Variants in DOCK10 observed in about 807,000 individuals in gnomAD.
DOCK10 encodes the protein dedicator of cytokinesis 10, also known as dedicator of cytokinesis protein 10.
In DOCK10, 145 loss-of-function variants were observed where a neutral mutation model predicts 280.1. The ratio of observed to expected loss-of-function variants is 0.52; its 90% CI spans 0.45 to 0.59. The LOEUF is 0.59. DOCK10 is among the 20% of genes least tolerant of loss of function. The pLI, the probability that DOCK10 is intolerant of heterozygous loss-of-function variation, is 0.00. For synonymous variants in DOCK10, 915 were observed against 942.2 expected, an observed-to-expected ratio of 0.97 and a Z score of 0.53; for missense variants, 2,368 against 2,651.7, an observed-to-expected ratio of 0.89 and a Z score of 2.35.
At chr2:224,864,801 T>C (rs1697773529) in intron 12 of DOCK10, 65 bp downstream of exon 12, 2 of 1,599,014 alleles carry the variant, frequency 1.3e-6, no homozygotes, top group African/African-American at 1.3e-5. Flanking sequence ...TCATCTTATA[T>C]GATCTATTGG....
At chr2:224,959,319 C>CT (rs1244397956) in intron 1 of DOCK10, among the ~76,000 whole-genome samples, 9 of 151,880 alleles carry the variant, frequency 5.9e-5, no homozygotes, top group East Asian at 1.9e-4. Context: ...TGTTCTGAAG[C>CT]TTTTTTTAAA....
At chr2:224,802,656 C>G (rs1481305204) in intron 39 of DOCK10, among the ~76,000 whole-genome samples, 1 of 152,098 alleles carries the variant, frequency 6.6e-6, no homozygotes, top group Non-Finnish European at 1.5e-5. Context: ...GCATTTCCAG[C>G]TGGGAAAAAT....
chr2:224,895,750 C>T lies in DOCK10; in HGVS notation c.416+545G>A, dbSNP rs73993931. ...TTTGAGCAGAAGCAGAACAAAATTA[C>T]TTTCTCCAAAGGCTTATGTTCCTGA... On this transcript the variant is annotated intron_variant, in intron 4 of 55. Transcript: ENST00000258390. 5.5e-3 allele frequency among the ~76,000 whole-genome samples: 838 copies of T among 151,404 alleles called. 9 individuals are homozygous for T. The highest frequency in any genetic ancestry group is 0.02 in the African/African-American group (810 of 40,992).
At position 224,852,393 on chromosome 2, in the gene DOCK10, C is replaced by A; in HGVS notation, c.2126G>T (p.Ser709Ile). Residue 709 changes from serine to isoleucine, a missense_variant, in exon 18 of 56, where the codon AGT becomes ATT. By Grantham distance (142) the Ser-to-Ile change is moderately radical (BLOSUM62 -2). This residue lies in a region of DOCK10 where 1,209 missense variants were observed against 1,250.9 expected (regional missense o/e 0.97). Coordinates refer to ENST00000258390, the MANE Select transcript of DOCK10 (RefSeq NM_014689.3). ...CIEFKNSDEESAKPLKCIYGK... is the reference protein window; with the variant it reads ...CIEFKNSDEEIAKPLKCIYGK... ...TTGGCTCACCTTCAGGGGCTTGGCA[C>A]TTTCTTCATCTGAATTTTTGAATTC... is the stretch of plus-strand genomic sequence containing the variant. The A allele has an allele frequency of 6.4e-7, 1 of 1,572,616 alleles. No homozygotes were observed. Among genetic ancestry groups the A allele is most frequent in the Non-Finnish European group, 8.6e-7 (1 of 1,157,820 alleles).
intron 1 of DOCK10, among the ~76,000 whole-genome samples, chr2:225,035,551 T>C (rs1310390513): frequency 6.2e-5 from 2 of 32,406 alleles, no homozygotes; most frequent in African/African-American, 1.1e-4. Context: ...ATTATATATA[T>C]ATATATATAT....
chr2:224,992,776 A>G (rs969455099), intron 1 of DOCK10, among the ~76,000 whole-genome samples: 1 of 152,222 alleles, frequency 6.6e-6, no homozygotes, highest in Non-Finnish European at 1.5e-5. Flanking sequence ...AAGTCTTGTC[A>G]TCTCTTTCTC....
intron 31 of DOCK10, among the ~76,000 whole-genome samples, chr2:224,812,961 GTC>G (rs1693884492): frequency 6.6e-6 from 1 of 152,102 alleles, no homozygotes. Context: ...TTTTGGTTGT[GTC>G]TCTGCTAGGC....
chr2:224,787,844 A>G (rs1691840899), intron 48 of DOCK10, among the ~76,000 whole-genome samples: 1 of 152,162 alleles, frequency 6.6e-6, no homozygotes. Flanking sequence ...AAGAAGCTCC[A>G]CAATCAGGCA....
intron 11 of DOCK10, among the ~76,000 whole-genome samples, chr2:224,872,304 C>T (rs1310772903): frequency 6.6e-6 from 1 of 152,200 alleles, no homozygotes; most frequent in Admixed American, 6.5e-5. Context: ...CAAGCAATGT[C>T]TGAGTACCTT....
chr2:224,769,441 G>A (rs1445883486), intron 55 of DOCK10, among the ~76,000 whole-genome samples: 2 of 152,230 alleles, frequency 1.3e-5, no homozygotes, highest in Admixed American at 6.5e-5. Flanking sequence ...ACTACTGGGA[G>A]ACTAATTCAA....
intron 1 of DOCK10, among the ~76,000 whole-genome samples, chr2:224,961,442 C>CTTTCTTTCTTTCT (rs1704419885): frequency 7.7e-6 from 1 of 129,766 alleles, no homozygotes; most frequent in Non-Finnish European, 1.7e-5. Flanking sequence ...TTCTTTCTTT[C>CTTTCTTTCTTTCT]TTTCTTTCTT....
intron 1 of DOCK10, among the ~76,000 whole-genome samples, chr2:224,949,113 T>C (rs1185873489): frequency 2.0e-5 from 3 of 152,148 alleles, no homozygotes; most frequent in Non-Finnish European, 4.4e-5. Flanking sequence ...GAGGGGAAAA[T>C]CCAGAAGCAT....
intron 3 of DOCK10, among the ~76,000 whole-genome samples, chr2:224,904,193 T>C (rs1406397535): frequency 6.6e-6 from 1 of 152,142 alleles, no homozygotes; most frequent in African/African-American, 2.4e-5. Flanking sequence ...TTTAAAGTCA[T>C]TAAATAAACA....
chr2:224,886,251 T>TA, intron 5 of DOCK10, 66 bp from the exon 6 acceptor site: 1 of 1,588,130 alleles, frequency 6.3e-7, no homozygotes, highest in South Asian at 1.1e-5. Context: ...ACACTGCATT[T>TA]AAAAAAGAGA....
chr2:224,897,391 C>T (rs1161256436), intron 3 of DOCK10, among the ~76,000 whole-genome samples: 1 of 152,114 alleles, frequency 6.6e-6, no homozygotes, highest in Non-Finnish European at 1.5e-5. Flanking sequence ...AAGCATTTAT[C>T]GTTTGTGTTA....
At chr2:224,845,099 A>C in intron 21 of DOCK10, 104 bp downstream of exon 21, 1 of 1,205,860 alleles carries the variant, frequency 8.3e-7, no homozygotes, top group Non-Finnish European at 1.2e-6. Context: ...CATAGCTACA[A>C]GGGACATGTC....
intron 16 of DOCK10, among the ~76,000 whole-genome samples, chr2:224,854,611 T>C (rs1696981096): frequency 1.3e-5 from 2 of 152,150 alleles, no homozygotes. Context: ...AAATCTGACT[T>C]TCCTCCTCTG....
In DOCK10 at chr2:224,865,078, A is replaced by G. The variant is rs1697809771; in HGVS notation, c.1267T>C (p.Phe423Leu). 6.2e-7 allele frequency: 1 copy of G among 1,613,724 alleles called. No individual in the cohort carries two copies. Among genetic ancestry groups the G allele is most frequent in the African/African-American group, 1.3e-5 (1 of 75,034 alleles). Residue 423 changes from phenylalanine to leucine, a missense_variant, in exon 12 of 56, where the codon TTT becomes CTT. Phe to Leu is a conservative substitution (Grantham distance 22). Around this residue, in one of 2 missense-constraint regions of DOCK10, gnomAD observed 1,209 missense variants for 1,250.9 expected, o/e 0.97. Coordinates refer to ENST00000258390, the MANE Select transcript of DOCK10 (RefSeq NM_014689.3). ...TCATAAAGTGCCACACTCACAAAAA[A>G]AGGCTCAATCTGCATGAAAAAGAAA... ...ENDPITNIEP[F>L]FVSVALYDLR... is the part of the protein sequence containing the mutation.
At position 224,786,690 on chromosome 2, in the gene DOCK10, TTTCACTTTAA is replaced by T. The variant is rs2125075151; in HGVS notation, c.5655+322_5655+331del. Reference sequence around the variant, plus strand: ...ATTTCTTAAAACATATTCAATTTAATTTCACTTTAATATATGGCGTAAACTTATAATTAGA... The same window carrying T: ...ATTTCTTAAAACATATTCAATTTAATTATATGGCGTAAACTTATAATTAGA... On this transcript the variant is annotated intron_variant, in intron 50 of 55. Coordinates refer to ENST00000258390, the MANE Select transcript of DOCK10 (RefSeq NM_014689.3). This position sits in a 1 kb window ranked among gnomAD's most constrained non-coding sequence, Gnocchi z 4.7. Among the ~76,000 whole-genome samples the T allele has an allele frequency of 6.6e-6, 1 of 152,334 alleles. No individual in the cohort carries two copies. Among genetic ancestry groups the T allele is most frequent in the East Asian group, 1.9e-4 (1 of 5,182 alleles).
Sources: gnomAD v4.1 joint callset for allele counts (sites outside exome capture counted in the v4.1 genomes callset) on GRCh38, gnomAD v4.1.1 for gene constraint, gnomAD v4.1.1 regional missense constraint, Gnocchi (gnomAD v3.1) non-coding constraint, MANE v1.5 for transcripts, NCBI Gene and HGNC (gene_info 2026-07-23, HGNC 2026-07-21) for gene names.